The following L3MBTL4 variants were observed in gnomAD, a reference collection of about 807,000 sequenced individuals.
L3MBTL4 encodes lethal(3)malignant brain tumor-like protein 4.
Under a neutral mutation model 84.5 loss-of-function variants are expected in L3MBTL4, and 70 were observed. The ratio of observed to expected loss-of-function variants is 0.83; its 90% CI spans 0.68 to 1.01. L3MBTL4 has a LOEUF of 1.01. Ranked by LOEUF, L3MBTL4 falls within the 50% of genes least tolerant of loss-of-function variation. The probability of loss-of-function intolerance (pLI) is 0.00; values close to 1 mark genes in which losing one functional copy is unlikely to be tolerated. For synonymous variants in L3MBTL4, 274 were observed against 259.8 expected (o/e 1.05, Z -0.52); for missense variants, 715 against 754.8 (o/e 0.95, Z 0.62).
intron 12 of L3MBTL4, among the ~76,000 whole-genome samples, chr18:6,195,585 C>T (rs1366535979): frequency 6.6e-6 from 1 of 152,194 alleles, no homozygotes; most frequent in African/African-American, 2.4e-5. Flanking sequence ...CAAATGTCTG[C>T]AAACAGCACA....
chr18:6,413,532 A>G (rs1212500622), intron 1 of L3MBTL4, among the ~76,000 whole-genome samples: 3 of 152,212 alleles, frequency 2.0e-5, no homozygotes, highest in African/African-American at 4.8e-5. Flanking sequence ...ACTCTACTGT[A>G]CCCACCACCT....
At chr18:6,394,761 AC>A (rs1432554641) in intron 1 of L3MBTL4, 1 of 152,122 alleles carries the variant, frequency 6.6e-6, no homozygotes, top group Non-Finnish European at 1.5e-5. Flanking sequence ...GCAAAAATCA[AC>A]CCCTAAAAAA....
intron 16 of L3MBTL4, among the ~76,000 whole-genome samples, chr18:5,974,163 G>A (rs1403975589): frequency 6.6e-6 from 1 of 152,146 alleles, no homozygotes; most frequent in Non-Finnish European, 1.5e-5. Context: ...TGCTATGGGT[G>A]TTTCTTTTGG....
chr18:6,337,189 A>C (rs564648961), intron 1 of L3MBTL4, among the ~76,000 whole-genome samples: 1 of 152,256 alleles, frequency 6.6e-6, no homozygotes, highest in African/African-American at 2.4e-5. Context: ...CCCAAAAAGG[A>C]AAAAAATGAG....
chr18:6,400,124 G>C (rs1046992980), intron 1 of L3MBTL4, among the ~76,000 whole-genome samples: 1 of 152,188 alleles, frequency 6.6e-6, no homozygotes, highest in Non-Finnish European at 1.5e-5. Flanking sequence ...AAAATTTAAA[G>C]TTAGGAAGTT....
At chr18:6,382,578 C>T (rs2054636753) in intron 1 of L3MBTL4, among the ~76,000 whole-genome samples, 1 of 152,232 alleles carries the variant, frequency 6.6e-6, no homozygotes, top group Admixed American at 6.5e-5. Flanking sequence ...CCCTCTGCTG[C>T]AGGTCTGCTG....
At chr18:6,377,364 G>A (rs888936060) in intron 1 of L3MBTL4, among the ~76,000 whole-genome samples, 11 of 152,064 alleles carry the variant, frequency 7.2e-5, no homozygotes, top group African/African-American at 2.7e-4. Context: ...GGGTACATGT[G>A]CAGAAAGTGC....
intron 7 of L3MBTL4, among the ~76,000 whole-genome samples, chr18:6,242,649 A>T (rs16949696): frequency 0.08 from 12,116 of 152,174 alleles, 1,626 homozygotes; most frequent in African/African-American, 0.28. Context: ...GTTGCCACAG[A>T]CATCGAACAG....
intron 1 of L3MBTL4, among the ~76,000 whole-genome samples, chr18:6,406,108 A>G (rs536200443): frequency 6.6e-6 from 1 of 152,240 alleles, no homozygotes; most frequent in Non-Finnish European, 1.5e-5. Flanking sequence ...GCTACTGAAC[A>G]CAACTTTATT....
At chr18:6,010,345 A>C (rs1221423598) in intron 16 of L3MBTL4, among the ~76,000 whole-genome samples, 1 of 152,204 alleles carries the variant, frequency 6.6e-6, no homozygotes, top group African/African-American at 2.4e-5. Flanking sequence ...GGCAGCTCAG[A>C]GAGGAACTGT....
chr18:6,380,711 T>C (rs2162284), intron 1 of L3MBTL4, among the ~76,000 whole-genome samples: 22,310 of 152,162 alleles, frequency 0.15, 2,151 homozygotes, highest in East Asian at 0.3. Flanking sequence ...TTCTTTTGCA[T>C]TTGCTAAGGA....
intron 3 of L3MBTL4, among the ~76,000 whole-genome samples, chr18:6,303,973 C>T (rs1430432731): frequency 6.9e-5 from 10 of 145,628 alleles, no homozygotes; most frequent in South Asian, 2.2e-4. Context: ...GAGATCACGC[C>T]GTTGCACTCC....
intron 1 of L3MBTL4, among the ~76,000 whole-genome samples, chr18:6,359,131 C>G (rs1484899749): frequency 6.6e-6 from 1 of 152,182 alleles, no homozygotes; most frequent in African/African-American, 2.4e-5. Context: ...GAGTAACTTA[C>G]TTAATTCTCA....
intron 16 of L3MBTL4, among the ~76,000 whole-genome samples, chr18:5,996,521 C>T (rs575175965): frequency 6.6e-6 from 1 of 152,180 alleles, no homozygotes; most frequent in Non-Finnish European, 1.5e-5. Flanking sequence ...GACCAGCATG[C>T]AGCACTCTAG....
intron 12 of L3MBTL4, among the ~76,000 whole-genome samples, chr18:6,175,231 C>A (rs1407536558): frequency 6.6e-6 from 1 of 152,102 alleles, no homozygotes; most frequent in Non-Finnish European, 1.5e-5. Flanking sequence ...GAAAGTGGGC[C>A]ACCTTCTCAC....
intron 16 of L3MBTL4, among the ~76,000 whole-genome samples, chr18:6,070,895 A>G (rs886719295): frequency 2.0e-5 from 3 of 152,216 alleles, no homozygotes; most frequent in African/African-American, 7.2e-5. Flanking sequence ...AATTTTTCAG[A>G]TAGAGGAAAA....
chr18:6,102,310 A>G (rs1011577522), intron 14 of L3MBTL4, among the ~76,000 whole-genome samples: 8 of 152,158 alleles, frequency 5.3e-5, no homozygotes, highest in African/African-American at 1.9e-4. Flanking sequence ...TCTAGCGAAA[A>G]GCTTTCCCAT....
In L3MBTL4 at chr18:6,089,517, T is replaced by C. The variant is rs78387273; in HGVS notation, c.1373+3838A>G. Among the ~76,000 whole-genome samples the C allele has an allele frequency of 9.1e-3, 1,380 of 152,336 alleles. 15 individuals are homozygous for C. Among genetic ancestry groups the C allele is most frequent in the South Asian group, 0.047 (228 of 4,822 alleles). ...TAGAAAGTAAGACTAAATATGAACC[T>C]AGCTGGGCTTTTTCAAAGCCTTAAG... On this transcript the variant is annotated intron_variant, in intron 15 of 18. Coordinates refer to ENST00000317931, the MANE Select transcript of L3MBTL4 (RefSeq NM_001330559.2).
At chr18:6,392,962 C>T (rs1323280706) in intron 1 of L3MBTL4, among the ~76,000 whole-genome samples, 1 of 152,040 alleles carries the variant, frequency 6.6e-6, no homozygotes, top group Non-Finnish European at 1.5e-5. Context: ...AAAAAAACTA[C>T]ATATCAGATA....
Sources: gnomAD v4.1 joint callset for allele counts (sites outside exome capture counted in the v4.1 genomes callset) on GRCh38, gnomAD v4.1.1 for gene constraint, MANE v1.5 for transcripts, NCBI Gene and HGNC (gene_info 2026-07-23, HGNC 2026-07-21) for gene names.